The following ADAMTS6 variants were observed in gnomAD, a reference collection of about 807,000 sequenced individuals.
The protein encoded by ADAMTS6 is ADAM metallopeptidase with thrombospondin type 1 motif 6.
In ADAMTS6, 23 loss-of-function variants were observed where a neutral mutation model predicts 144.3. The observed-to-expected ratio is 0.16, with a 90% CI of 0.11 to 0.23. The LOEUF is 0.23. Ranked by LOEUF, ADAMTS6 falls within the 10% of genes least tolerant of loss-of-function variation. The pLI is 1.00. For synonymous variants in ADAMTS6, 444 were observed against 457.5 expected (o/e 0.97, Z 0.38); for missense variants, 999 against 1,379.6 (o/e 0.72, Z 4.37).
At chr5:65,408,260 C>T (rs139659208) in intron 7 of ADAMTS6, among the ~76,000 whole-genome samples, 20,297 of 152,040 alleles carry the variant, frequency 0.13, 1,474 homozygotes, top group African/African-American at 0.19. Flanking sequence ...ACCCATGTTA[C>T]GTGCAGAGAC....
chr5:65,453,635 G>T (rs1270586554), intron 4 of ADAMTS6, among the ~76,000 whole-genome samples: 1 of 152,120 alleles, frequency 6.6e-6, no homozygotes, highest in Non-Finnish European at 1.5e-5. Flanking sequence ...TAGACATTTG[G>T]TTCTTCAGTA....
At chr5:65,273,491 G>T in intron 11 of ADAMTS6, 44 bp from the exon 12 acceptor site, 1 of 1,471,026 alleles carries the variant, frequency 6.8e-7, no homozygotes, top group Non-Finnish European at 9.5e-7. Context: ...ATAGAGTCAT[G>T]TCCAATTCTT....
intron 10 of ADAMTS6, among the ~76,000 whole-genome samples, chr5:65,295,123 A>T (rs1742706593): frequency 6.6e-6 from 1 of 152,100 alleles, no homozygotes; most frequent in African/African-American, 2.4e-5. Flanking sequence ...CTACTAATAA[A>T]CATCTGGATT....
chr5:65,466,473 T>A (rs1760012131), intron 3 of ADAMTS6, among the ~76,000 whole-genome samples: 2 of 152,228 alleles, frequency 1.3e-5, no homozygotes, highest in Non-Finnish European at 2.9e-5. Flanking sequence ...TTTATTTATT[T>A]ATCTTTTTGT....
chr5:65,282,512 C>G (rs1401540080), intron 11 of ADAMTS6, among the ~76,000 whole-genome samples: 1 of 151,990 alleles, frequency 6.6e-6, no homozygotes, highest in Non-Finnish European at 1.5e-5. Context: ...GGGAAAAGAC[C>G]TGGAAAGGGA....
chr5:65,368,210 C>T (rs993781210), intron 7 of ADAMTS6, among the ~76,000 whole-genome samples: 1 of 152,102 alleles, frequency 6.6e-6, no homozygotes, highest in African/African-American at 2.4e-5. Context: ...ATCAATTTGT[C>T]TCTCTACATT....
At chr5:65,157,050 G>A (rs900288481) in intron 24 of ADAMTS6, among the ~76,000 whole-genome samples, 1 of 152,244 alleles carries the variant, frequency 6.6e-6, no homozygotes, top group Admixed American at 6.5e-5. Context: ...TCTTCTCAGA[G>A]AGACTTGGGA....
intron 7 of ADAMTS6, among the ~76,000 whole-genome samples, chr5:65,344,139 C>T (rs115353796): frequency 3.9e-4 from 59 of 151,970 alleles, no homozygotes; most frequent in African/African-American, 1.3e-3. Flanking sequence ...ACTGTCCCCA[C>T]ACCATTTTAA....
intron 21 of ADAMTS6, among the ~76,000 whole-genome samples, chr5:65,191,326 G>A (rs1755006792): frequency 6.6e-6 from 1 of 152,070 alleles, no homozygotes; most frequent in South Asian, 2.1e-4. Context: ...AAGAGAGACA[G>A]TATAAAAAAT....
chr5:65,317,637 G>A (rs1745141268), intron 9 of ADAMTS6, among the ~76,000 whole-genome samples: 1 of 151,880 alleles, frequency 6.6e-6, no homozygotes, highest in Non-Finnish European at 1.5e-5. Context: ...CAGAACGGGA[G>A]AAAATATTTT....
intron 22 of ADAMTS6, among the ~76,000 whole-genome samples, chr5:65,184,995 T>C (rs1265089011): frequency 1.3e-5 from 2 of 151,772 alleles, no homozygotes; most frequent in African/African-American, 4.8e-5. Flanking sequence ...CAGCTGAGAG[T>C]TGGAAGTGGG....
intron 7 of ADAMTS6, among the ~76,000 whole-genome samples, chr5:65,392,542 T>G (rs1177819178): frequency 6.6e-6 from 1 of 152,198 alleles, no homozygotes; most frequent in Non-Finnish European, 1.5e-5. Flanking sequence ...ATTTTTGTGC[T>G]CAATTGGTCT....
At chr5:65,170,312 G>T (rs1753536470) in intron 24 of ADAMTS6, among the ~76,000 whole-genome samples, 1 of 152,140 alleles carries the variant, frequency 6.6e-6, no homozygotes, top group African/African-American at 2.4e-5. Context: ...CAGCTCTAAA[G>T]TCCTACTATA....
Position 65,456,491 on chromosome 5 carries a change from G to A in ADAMTS6, c.632-3573C>T, listed in dbSNP as rs114058096. Among the ~76,000 whole-genome samples, 1,091 of 151,978 alleles carry A rather than the reference G, an allele frequency of 7.2e-3. 13 individuals carry two copies. The highest frequency in any genetic ancestry group is 0.025 in the African/African-American group (1,025 of 41,460). On this transcript the variant is annotated intron_variant, in intron 4 of 24. Transcript: ENST00000381055. The stretch of plus-strand genomic sequence containing the variant: ...TATTTCATTGACCTGCTTTATTTTT[G>A]TTCATAGTACTTACTACTTCTGGAC...
At chr5:65,285,313 C>T (rs1237668440) in intron 11 of ADAMTS6, among the ~76,000 whole-genome samples, 1 of 152,076 alleles carries the variant, frequency 6.6e-6, no homozygotes, top group Non-Finnish European at 1.5e-5. Flanking sequence ...GGCTTTCTCT[C>T]ACCTCTTCAA....
intron 7 of ADAMTS6, among the ~76,000 whole-genome samples, chr5:65,422,693 G>A (rs1460950481): frequency 1.3e-5 from 2 of 151,692 alleles, no homozygotes; most frequent in Non-Finnish European, 2.9e-5. Flanking sequence ...TACATTACTA[G>A]TGAGAATGTA....
chr5:65,243,146 G>A (rs1308042924), intron 14 of ADAMTS6, among the ~76,000 whole-genome samples: 1 of 152,006 alleles, frequency 6.6e-6, no homozygotes, highest in Non-Finnish European at 1.5e-5. Context: ...TTGAAAGACT[G>A]ACAGAAAATA....
intron 15 of ADAMTS6, among the ~76,000 whole-genome samples, chr5:65,229,850 A>C (rs148486534): frequency 1.3e-5 from 2 of 152,284 alleles, no homozygotes; most frequent in East Asian, 3.9e-4. Flanking sequence ...ATTTAAAGAA[A>C]TAATGGCTGA....
intron 3 of ADAMTS6, among the ~76,000 whole-genome samples, chr5:65,465,945 T>C (rs534866567): frequency 1.3e-5 from 2 of 152,230 alleles, no homozygotes; most frequent in Non-Finnish European, 2.9e-5. Context: ...GGCATCTATA[T>C]ATTGATGACT....
Sources: gnomAD v4.1 joint callset for allele counts (sites outside exome capture counted in the v4.1 genomes callset) on GRCh38, gnomAD v4.1.1 for gene constraint, MANE v1.5 for transcripts, NCBI Gene and HGNC (gene_info 2026-07-23, HGNC 2026-07-21) for gene names.